The following SIRT6 variants were observed in gnomAD, a reference collection of about 807,000 sequenced individuals.
The protein encoded by SIRT6 is sirtuin 6.
In SIRT6, 21 loss-of-function variants were observed where a neutral mutation model predicts 33.6. That is an observed-to-expected ratio of 0.62 (90% CI 0.44 to 0.90). SIRT6 has a LOEUF of 0.90. Among genes scored for constraint, SIRT6 ranks in the 40% least tolerant of loss-of-function variants. The pLI, the probability that SIRT6 is intolerant of heterozygous loss-of-function variation, is 0.00. For synonymous variants in SIRT6, 221 were observed against 223.9 expected (o/e 0.99, Z 0.12); for missense variants, 504 against 510.6 (o/e 0.99, Z 0.12).
Position 4,180,926 on chromosome 19 carries a change from C to A in SIRT6, c.67-17G>T, listed in dbSNP as rs201398356. On this transcript the variant is annotated splice_polypyrimidine_tract_variant and intron_variant, in intron 1 of 7. Coordinates refer to ENST00000337491, the MANE Select transcript of SIRT6 (RefSeq NM_016539.4). The stretch of plus-strand genomic sequence containing the variant: ...GTCGAAGATCTGTGGGGGGAGAGAG[C>A]AGACGGAGGGGTCAAAACAGTTCCC... 6.2e-7 allele frequency: 1 copy of A among 1,600,906 alleles called. No homozygotes were observed. Among genetic ancestry groups the A allele is most frequent in the Non-Finnish European group, 8.5e-7 (1 of 1,173,844 alleles).
Position 4,174,817 on chromosome 19 carries a change from G to GGCCCCCCCCCCCCCCC in SIRT6, c.867_868insGGGGGGGGGGGGGGGC (p.Pro290GlyfsTer143). ...TCCAGCTTGGGGGTGGGCGGGCGGG[G>GGCCCCCCCCCCCCCCC]CAGGGGTGGCAGCGCCCTCTCCAGC... On this transcript the variant is annotated frameshift_variant, in exon 8 of 8. Transcript: ENST00000337491. LOFTEE classifies it low-confidence loss of function (END_TRUNC). This position sits in a 1 kb window ranked among gnomAD's most constrained non-coding sequence, Gnocchi z 4.2. The GGCCCCCCCCCCCCCCC allele has an allele frequency of 2.2e-6, 1 of 447,548 alleles. No homozygotes were observed. The highest frequency in any genetic ancestry group is 4.4e-6 in the Non-Finnish European group (1 of 229,044). 27.7% of individuals were successfully genotyped at this position (447,548 alleles called of 1,614,324 possible).
In SIRT6 at chr19:4,176,955, C is replaced by T. The variant is rs1217991009; in HGVS notation, c.437+124G>A. ...ATATCCCCCCAAGAGGGAGACACGC[C>T]CCCAGATCCCCCCAGGAGGGCCACA... On this transcript the variant is annotated intron_variant, in intron 4 of 7. Transcript: ENST00000337491. The T allele has an allele frequency of 7.2e-6, 5 of 689,744 alleles. No individual in the cohort carries two copies. In the East Asian group the frequency reaches 1.2e-4, roughly 17 times the overall value. The allele number at this position is 689,744 out of a possible 1,614,324, so 42.7% of individuals were successfully genotyped here.
intron 3 of SIRT6, 124 bp from the exon 4 acceptor site, chr19:4,177,262 T>A (rs1967362874): frequency 3.8e-6 from 3 of 784,824 alleles, no homozygotes; most frequent in Non-Finnish European, 6.3e-6. Flanking sequence ...ACAACATTGA[T>A]CAACTCCTTC....
intron 6 of SIRT6, 168 bp downstream of exon 6, chr19:4,175,505 GGTGACGA>G: frequency 1.5e-6 from 1 of 651,214 alleles, no homozygotes. Context: ...AGAGCCATGA[GGTGACGA>G]GTGTGTGTGA....
chr19:4,178,130 G>T (rs1024418438), intron 3 of SIRT6, among the ~76,000 whole-genome samples: 1 of 151,366 alleles, frequency 6.6e-6, no homozygotes, highest in Non-Finnish European at 1.5e-5. Flanking sequence ...GGGTTCAAGC[G>T]ATTCTCCTGA....
chr19:4,174,817 G>GCCCCCCCCCCCCCCCCCCCCCCCCCCC lies in SIRT6; in HGVS notation c.867_868insGGGGGGGGGGGGGGGGGGGGGGGGGGG (p.Leu289_Pro290insGlyGlyGlyGlyGlyGlyGlyGlyGly). On this transcript the variant is annotated inframe_insertion, in exon 8 of 8. Coordinates refer to ENST00000337491, the MANE Select transcript of SIRT6 (RefSeq NM_016539.4). This position sits in a 1 kb window ranked among gnomAD's most constrained non-coding sequence, Gnocchi z 4.2. ...TCCAGCTTGGGGGTGGGCGGGCGGG[G>GCCCCCCCCCCCCCCCCCCCCCCCCCCC]CAGGGGTGGCAGCGCCCTCTCCAGC... 1 of 447,534 alleles carries GCCCCCCCCCCCCCCCCCCCCCCCCCCC rather than the reference G, an allele frequency of 2.2e-6. No individual in the cohort carries two copies. The highest frequency in any genetic ancestry group is 4.4e-6 in the Non-Finnish European group (1 of 229,034). 27.7% of individuals were successfully genotyped at this position (447,534 alleles called of 1,614,324 possible).
At chr19:4,177,233 C>A in intron 3 of SIRT6, 95 bp from the exon 4 acceptor site, 1 of 1,119,164 alleles carries the variant, frequency 8.9e-7, no homozygotes, top group South Asian at 1.4e-5. Flanking sequence ...TCCAGGAAGG[C>A]TTCCCGGACT....
chr19:4,180,588 C>T (rs117385980), intron 2 of SIRT6, 194 bp downstream of exon 2: 12,545 of 574,784 alleles, frequency 0.022, 183 homozygotes, highest in Non-Finnish European at 0.027. Flanking sequence ...ACCATATTGG[C>T]CAGGCTGGTC....
rs2145154625 is a variant in SIRT6 at position 4,174,794 on chromosome 19, CAG to C, written c.889_890del (p.Leu297GlyfsTer130). 1 of 1,165,228 alleles carries C rather than the reference CAG, an allele frequency of 8.6e-7. No homozygotes were observed. The highest frequency in any genetic ancestry group is 1.1e-6 in the Non-Finnish European group (1 of 917,864). 72.2% of individuals were successfully genotyped at this position (1,165,228 alleles called of 1,614,324 possible). A position where few individuals can be genotyped will look rare whatever the true frequency, so the allele number is the denominator to read the frequency against. On this transcript the variant is annotated frameshift_variant, in exon 8 of 8. Coordinates refer to ENST00000337491, the MANE Select transcript of SIRT6 (RefSeq NM_016539.4). LOFTEE classifies it low-confidence loss of function (END_TRUNC). The surrounding 1 kb of genome is among the most constrained non-coding windows in gnomAD (Gnocchi z 4.2). ...GGGTGGGAGATTCCTCCTTGGGCTC[CAG>C]CTTGGGGGTGGGCGGGCGGGGCAGG... ...PPLPRPPTPKLEPKEESPTRI... is the reference protein window; with the variant it reads ...PPLPRPPTPKXEPKEESPTRI...
intron 1 of SIRT6, among the ~76,000 whole-genome samples, chr19:4,181,984 A>G (rs1967706221): frequency 6.6e-6 from 1 of 152,052 alleles, no homozygotes; most frequent in East Asian, 1.9e-4. Context: ...TGACTTCCCC[A>G]AAGTCCCACA....
At position 4,175,013 on chromosome 19, in the gene SIRT6, G is replaced by A; in HGVS notation, c.738+15C>T. The stretch of plus-strand genomic sequence containing the variant: ...TGCATGGTGGCCCTGGGCAGGGGTA[G>A]GCTCAGACACCTACGTGCTTGGTGG... On this transcript the variant is annotated intron_variant, in intron 7 of 7. Transcript: ENST00000337491. The A allele has an allele frequency of 6.2e-7, 1 of 1,602,168 alleles. No homozygotes were observed. The highest frequency in any genetic ancestry group is 1.3e-5 in the African/African-American group (1 of 74,720).
At chr19:4,180,460 T>C (rs1967560604) in intron 2 of SIRT6, among the ~76,000 whole-genome samples, 1 of 152,080 alleles carries the variant, frequency 6.6e-6, no homozygotes, top group South Asian at 2.1e-4. Context: ...CTCGGCTCAC[T>C]GCCTCCACCT....
At chr19:4,178,644 G>A (rs1967444144) in intron 3 of SIRT6, among the ~76,000 whole-genome samples, 2 of 152,074 alleles carry the variant, frequency 1.3e-5, no homozygotes, top group Non-Finnish European at 2.9e-5. Context: ...GAGGTCAGGA[G>A]TTCAAGACCA....
intron 3 of SIRT6, among the ~76,000 whole-genome samples, chr19:4,178,048 A>G (rs1222974273): frequency 2.7e-5 from 4 of 147,902 alleles, no homozygotes; most frequent in Non-Finnish European, 6.0e-5. Context: ...TTTTTTCAAG[A>G]CAGAGTCTTG....
chr19:4,175,512 A>AGT, intron 6 of SIRT6, 168 bp downstream of exon 6: 1 of 653,668 alleles, frequency 1.5e-6, no homozygotes, highest in Non-Finnish European at 2.6e-6. Flanking sequence ...TGAGGTGACG[A>AGT]GTGTGTGTGA....
intron 1 of SIRT6, among the ~76,000 whole-genome samples, chr19:4,181,145 C>G (rs1967631116): frequency 6.6e-6 from 1 of 152,202 alleles, no homozygotes; most frequent in African/African-American, 2.4e-5. Flanking sequence ...CCCTTGCCCC[C>G]TCCCTGCCCT....
rs1310007764 is a variant in SIRT6, at chr19:4,182,457, C to A, written c.66+17G>T. ...CGGCCCTGGGGCGCGATGCTCGGGA[C>A]CCTCAGACGCGCTCACCTCCGGGAG... On this transcript the variant is annotated intron_variant, in intron 1 of 7. Coordinates refer to ENST00000337491, the MANE Select transcript of SIRT6 (RefSeq NM_016539.4). 3.1e-6 allele frequency: 5 copies of A among 1,604,918 alleles called. No individual in the cohort carries two copies. The highest frequency in any genetic ancestry group is 1.1e-5 in the South Asian group (1 of 89,922).
chr19:4,177,517 A>G (rs564250405), intron 3 of SIRT6, among the ~76,000 whole-genome samples: 1 of 152,192 alleles, frequency 6.6e-6, no homozygotes, highest in South Asian at 2.1e-4. Flanking sequence ...AAACCGAGAC[A>G]TTGAATGGCC....
At chr19:4,175,983 T>G in intron 4 of SIRT6, 46 bp from the exon 5 acceptor site, 1 of 1,512,346 alleles carries the variant, frequency 6.6e-7, no homozygotes, top group Non-Finnish European at 9.0e-7. Context: ...TGAGCTCCCA[T>G]GGGTGACTCT....
Sources: allele counts gnomAD v4.1 joint callset (sites outside exome capture counted in the v4.1 genomes callset), GRCh38; gene constraint gnomAD v4.1.1; non-coding constraint Gnocchi (gnomAD v3.1); transcripts MANE v1.5; gene names NCBI Gene and HGNC (gene_info 2026-07-23, HGNC 2026-07-21).